SPIDR: variants seen among roughly 807,000 people sequenced by gnomAD.
The protein encoded by SPIDR is DNA repair-scaffolding protein.
SPIDR carries 93 observed loss-of-function variants against 104.6 expected under a neutral mutation model. The ratio of observed to expected loss-of-function variants is 0.89; its 90% CI spans 0.75 to 1.06. The LOEUF (loss-of-function observed/expected upper bound fraction) is 1.06. Among genes scored for constraint, SPIDR ranks in the 50% least tolerant of loss-of-function variants. The pLI, the probability that SPIDR is intolerant of heterozygous loss-of-function variation, is 0.00. For synonymous variants in SPIDR, 431 were observed against 416.9 expected (o/e 1.03, Z -0.41); for missense variants, 1,154 against 1,111.2 (o/e 1.04, Z -0.55).
At chr8:47,529,647 A>T (rs1325249657) in intron 8 of SPIDR, among the ~76,000 whole-genome samples, 1 of 152,088 alleles carries the variant, frequency 6.6e-6, no homozygotes, top group Non-Finnish European at 1.5e-5. Context: ...AGATATACAT[A>T]AAGAAAGGAG....
intron 7 of SPIDR, among the ~76,000 whole-genome samples, chr8:47,430,401 G>T (rs1296808067): frequency 6.6e-6 from 1 of 152,118 alleles, no homozygotes; most frequent in East Asian, 1.9e-4. Context: ...TGAATTAGAA[G>T]TTGTTCATTA....
intron 5 of SPIDR, among the ~76,000 whole-genome samples, chr8:47,358,831 A>G (rs530799117): frequency 6.6e-6 from 1 of 152,226 alleles, no homozygotes; most frequent in Non-Finnish European, 1.5e-5. Context: ...GTTAGGACGT[A>G]GGATACATAT....
At chr8:47,292,216 T>C (rs1209518363) in intron 4 of SPIDR, among the ~76,000 whole-genome samples, 1 of 152,232 alleles carries the variant, frequency 6.6e-6, no homozygotes, top group Admixed American at 6.5e-5. Flanking sequence ...TTATGACTTT[T>C]AACTCTTGAC....
intron 19 of SPIDR, among the ~76,000 whole-genome samples, chr8:47,731,818 G>A (rs930591587): frequency 1.6e-4 from 24 of 152,224 alleles, no homozygotes; most frequent in African/African-American, 5.5e-4. Flanking sequence ...AGCTGACCAG[G>A]TAGAAGTTTG....
intron 8 of SPIDR, among the ~76,000 whole-genome samples, chr8:47,497,621 G>A (rs2079643784): frequency 6.6e-6 from 1 of 152,170 alleles, no homozygotes; most frequent in South Asian, 2.1e-4. Flanking sequence ...CTGTTTGGGA[G>A]AATGTCTATG....
chr8:47,404,845 A>G (rs1223299030), intron 6 of SPIDR, among the ~76,000 whole-genome samples: 6 of 152,218 alleles, frequency 3.9e-5, no homozygotes, highest in Non-Finnish European at 7.3e-5. Flanking sequence ...CAGCAATCCT[A>G]TTACTGGATA....
At chr8:47,651,595 TG>T (rs1431724906) in intron 10 of SPIDR, among the ~76,000 whole-genome samples, 2 of 152,206 alleles carry the variant, frequency 1.3e-5, no homozygotes, top group Non-Finnish European at 2.9e-5. Context: ...TTTCCACTGC[TG>T]GGTATCTACC....
At position 47,428,034 on chromosome 8, in the gene SPIDR, C is replaced by T. The variant is rs1335913383; in HGVS notation, c.878-12289C>T. Among the ~76,000 whole-genome samples the T allele has an allele frequency of 8.5e-5, 13 of 152,322 alleles. No homozygotes were observed. The South Asian group carries it at 1.7e-3, about 19-fold the overall frequency. ...GCCTCCCGTGTTCAAGTGATTCTCCCGTCTCAGCCTCCTGAGTAGTTGGGA... is the reference window on the plus strand; with the variant it reads ...GCCTCCCGTGTTCAAGTGATTCTCCTGTCTCAGCCTCCTGAGTAGTTGGGA... On this transcript the variant is annotated intron_variant, in intron 7 of 19. Transcript: ENST00000297423.
intron 8 of SPIDR, among the ~76,000 whole-genome samples, chr8:47,528,691 A>T (rs1408581784): frequency 6.6e-6 from 1 of 152,168 alleles, no homozygotes; most frequent in East Asian, 1.9e-4. Flanking sequence ...AGTAGACTGG[A>T]CATGGCCACT....
At chr8:47,505,118 C>G (rs1234015190) in intron 8 of SPIDR, among the ~76,000 whole-genome samples, 5 of 152,204 alleles carry the variant, frequency 3.3e-5, no homozygotes, top group Non-Finnish European at 2.9e-5. Flanking sequence ...ATTCTCAGAT[C>G]TCCATCTGAG....
chr8:47,310,751 A>G (rs2043996328), intron 5 of SPIDR, among the ~76,000 whole-genome samples: 1 of 152,222 alleles, frequency 6.6e-6, no homozygotes, highest in South Asian at 2.1e-4. Context: ...CAAATTCTGC[A>G]TAAAAGTCTT....
chr8:47,493,761 G>A (rs1321591556), intron 8 of SPIDR, among the ~76,000 whole-genome samples: 1 of 152,128 alleles, frequency 6.6e-6, no homozygotes, highest in African/African-American at 2.4e-5. Flanking sequence ...TTGCATCCAG[G>A]AGTTGATAGA....
At chr8:47,403,548 T>C (rs375947512) in intron 6 of SPIDR, among the ~76,000 whole-genome samples, 3 of 152,140 alleles carry the variant, frequency 2.0e-5, no homozygotes, top group African/African-American at 4.8e-5. Context: ...ACAAGCATTC[T>C]TATACACCAA....
At chr8:47,282,006 G>C (rs1248426076) in intron 2 of SPIDR, among the ~76,000 whole-genome samples, 1 of 152,212 alleles carries the variant, frequency 6.6e-6, no homozygotes, top group Non-Finnish European at 1.5e-5. Flanking sequence ...TCATCTCCTT[G>C]TACTTCTCCA....
chr8:47,486,931 A>C (rs559944942), intron 8 of SPIDR, among the ~76,000 whole-genome samples: 1 of 152,374 alleles, frequency 6.6e-6, no homozygotes, highest in South Asian at 2.1e-4. Context: ...GCTAGGAAGA[A>C]ACTGCATTAA....
intron 11 of SPIDR, among the ~76,000 whole-genome samples, chr8:47,691,290 CAAAAAAAAA>C (rs60147394): frequency 1.2e-5 from 1 of 86,668 alleles, no homozygotes; most frequent in African/African-American, 4.8e-5. Flanking sequence ...GACTCCGTCT[CAAAAAAAAA>C]AAAAAAAAAA....
intron 8 of SPIDR, among the ~76,000 whole-genome samples, chr8:47,487,528 C>T (rs2077877992): frequency 6.6e-6 from 1 of 152,186 alleles, no homozygotes; most frequent in Non-Finnish European, 1.5e-5. Flanking sequence ...ACAGAACTCT[C>T]CACCCAAAAT....
Position 47,707,296 on chromosome 8 carries a change from G to A in SPIDR, c.1977+5281G>A, listed in dbSNP as rs545776919. On this transcript the variant is annotated intron_variant, in intron 14 of 19. Coordinates refer to ENST00000297423, the MANE Select transcript of SPIDR (RefSeq NM_001080394.4). ...ATTCATTAAAGAAATATAAGGTGTC[G>A]GCCAACAGTATTGTCTAGAGATTCA... Among the ~76,000 whole-genome samples, 7 of 151,448 alleles carry A rather than the reference G, an allele frequency of 4.6e-5. No homozygotes were observed. The South Asian group carries it at 8.4e-4, about 18-fold the overall frequency.
At chr8:47,574,395 A>T (rs1040881559) in intron 8 of SPIDR, among the ~76,000 whole-genome samples, 3 of 152,048 alleles carry the variant, frequency 2.0e-5, no homozygotes, top group Admixed American at 6.6e-5. Flanking sequence ...ATCTGTTCTT[A>T]TCTTGTGCCA....
Sources: gnomAD v4.1 joint callset for allele counts (sites outside exome capture counted in the v4.1 genomes callset) on GRCh38, gnomAD v4.1.1 for gene constraint, MANE v1.5 for transcripts, NCBI Gene and HGNC (gene_info 2026-07-23, HGNC 2026-07-21) for gene names.